ABL2: variants seen among roughly 807,000 people sequenced by gnomAD.
ABL2 encodes the protein tyrosine-protein kinase ABL2.
A neutral mutation model predicts 107.7 loss-of-function variants in ABL2; 49 were observed. That is an observed-to-expected ratio of 0.45 (90% confidence interval 0.36 to 0.58). The LOEUF is 0.58. Among genes scored for constraint, ABL2 ranks in the 20% least tolerant of loss-of-function variants. The pLI, the probability that ABL2 is intolerant of heterozygous loss-of-function variation, is 0.00. For synonymous variants in ABL2, 549 were observed against 548.6 expected (o/e 1.00, Z -0.01); for missense variants, 1,245 against 1,457.0 (o/e 0.85, Z 2.37).
chr1:179,173,007 T>C (rs922350867), intron 1 of ABL2, among the ~76,000 whole-genome samples: 5 of 152,126 alleles, frequency 3.3e-5, no homozygotes, highest in African/African-American at 1.2e-4. Context: ...CTGGCCAATA[T>C]GTCAAAACAC....
intron 1 of ABL2, among the ~76,000 whole-genome samples, chr1:179,211,277 G>C (rs1221889094): frequency 4.6e-5 from 7 of 152,116 alleles, no homozygotes; most frequent in Non-Finnish European, 4.4e-5. Context: ...CAGCACTTTG[G>C]GAGGCTGAGG....
chr1:179,165,752 C>A (rs1266107710), intron 1 of ABL2, among the ~76,000 whole-genome samples: 4 of 151,804 alleles, frequency 2.6e-5, no homozygotes, highest in Non-Finnish European at 5.9e-5. Flanking sequence ...ATAGCTAAAT[C>A]ATGATGTTCT....
intron 1 of ABL2, among the ~76,000 whole-genome samples, chr1:179,198,303 G>A (rs1006092240): frequency 1.3e-5 from 2 of 152,174 alleles, no homozygotes; most frequent in Non-Finnish European, 2.9e-5. Flanking sequence ...TTGACAATTA[G>A]GGAATCTAGG....
At chr1:179,124,154 C>T (rs540969295) in intron 4 of ABL2, among the ~76,000 whole-genome samples, 150 of 151,372 alleles carry the variant, frequency 9.9e-4, no homozygotes, top group Non-Finnish European at 1.8e-3. Context: ...GGCAGGAGAA[C>T]GGCGTGAACC....
chr1:179,110,177 T>C, intron 11 of ABL2, 105 bp downstream of exon 11: 1 of 1,366,406 alleles, frequency 7.3e-7, no homozygotes, highest in Non-Finnish European at 1.0e-6. Flanking sequence ...CGCCATGCTT[T>C]CCCCAGGGAG....
intron 4 of ABL2, among the ~76,000 whole-genome samples, chr1:179,124,099 G>A (rs1655495983): frequency 6.6e-6 from 1 of 151,972 alleles, no homozygotes; most frequent in South Asian, 2.1e-4. Flanking sequence ...AAATTAGCCG[G>A]GCGTGGTGGT....
intron 1 of ABL2, among the ~76,000 whole-genome samples, chr1:179,135,991 C>T (rs1290249469): frequency 2.7e-5 from 4 of 146,224 alleles, no homozygotes; most frequent in Non-Finnish European, 6.0e-5. Context: ...CCAGCCGCCC[C>T]GTCCAGGAGG....
At chr1:179,143,804 A>G (rs1657798586) in intron 1 of ABL2, among the ~76,000 whole-genome samples, 1 of 152,140 alleles carries the variant, frequency 6.6e-6, no homozygotes, top group Non-Finnish European at 1.5e-5. Context: ...TCAAGTGATT[A>G]TCCTGCCTCA....
rs1553228695 is a variant in ABL2 at position 179,174,920 on chromosome 1, A to ATAAT, written c.158-41547_158-41546insATTA. 3.1e-3 allele frequency among the ~76,000 whole-genome samples: 385 copies of ATAAT among 122,776 alleles called. 1 individual carries two copies. The highest frequency in any genetic ancestry group is 9.7e-3 in the Middle Eastern group (2 of 206). The allele number at this position is 122,776 out of a possible 152,430, so 80.5% of individuals were successfully genotyped here. ...CAAAAAAAAAAAAATAAAATAAAAA[A>ATAAT]AATAATAATAATAATAATAATAATT... On this transcript the variant is annotated intron_variant, in intron 1 of 11. Coordinates refer to ENST00000502732, the MANE Select transcript of ABL2 (RefSeq NM_007314.4).
At chr1:179,169,878 A>AC (rs1035062266) in intron 1 of ABL2, among the ~76,000 whole-genome samples, 1 of 152,006 alleles carries the variant, frequency 6.6e-6, no homozygotes, top group Non-Finnish European at 1.5e-5. Context: ...AACATTAAAA[A>AC]ATTGGCTGGG....
intron 1 of ABL2, among the ~76,000 whole-genome samples, chr1:179,190,742 T>A (rs990703774): frequency 1.1e-4 from 16 of 152,116 alleles, no homozygotes; most frequent in Non-Finnish European, 2.2e-4. Flanking sequence ...CTCATTAGCA[T>A]ACAAAAGATG....
intron 1 of ABL2, among the ~76,000 whole-genome samples, chr1:179,214,519 C>CATATATATATATATATAT (rs59744061): frequency 1.6e-3 from 194 of 122,084 alleles, no homozygotes; most frequent in Middle Eastern, 4.5e-3. Context: ...TTTAAAATGA[C>CATATATATATATATATAT]ATATATATAT....
chr1:179,225,409 C>T (rs974143881), intron 1 of ABL2, among the ~76,000 whole-genome samples: 3 of 152,120 alleles, frequency 2.0e-5, no homozygotes, highest in African/African-American at 7.2e-5. Context: ...AAACTCAAGA[C>T]AGTAATTTGT....
At chr1:179,171,708 G>C (rs1207512767) in intron 1 of ABL2, among the ~76,000 whole-genome samples, 1 of 152,104 alleles carries the variant, frequency 6.6e-6, no homozygotes, top group Non-Finnish European at 1.5e-5. Context: ...TGTTTTTGTA[G>C]AGATGGGGTC....
chr1:179,225,565 G>GC (rs1262154358), intron 1 of ABL2, among the ~76,000 whole-genome samples: 5 of 152,014 alleles, frequency 3.3e-5, no homozygotes, highest in Admixed American at 2.0e-4. Context: ...GGGCAATTCT[G>GC]CCCCCCAAGA....
chr1:179,146,529 T>C (rs1657995797), intron 1 of ABL2, among the ~76,000 whole-genome samples: 1 of 152,110 alleles, frequency 6.6e-6, no homozygotes, highest in African/African-American at 2.4e-5. Flanking sequence ...TATCTTGAGG[T>C]TGAGTCCCAA....
At position 179,186,481 on chromosome 1, in the gene ABL2, C is replaced by T. The variant is rs113073479; in HGVS notation, c.157+42760G>A. ...GAAATCTCCGCCTCCTGAGTTCAAG[C>T]GATTCTCCTTCCTCAGCCTCCCAAA... On this transcript the variant is annotated intron_variant, in intron 1 of 11. Coordinates refer to ENST00000502732, the MANE Select transcript of ABL2 (RefSeq NM_007314.4). Among the ~76,000 whole-genome samples, 454 of 152,040 alleles carry T rather than the reference C, an allele frequency of 3.0e-3. 1 individual carries two copies. Among genetic ancestry groups the T allele is most frequent in the African/African-American group, 0.011 (437 of 41,470 alleles).
intron 1 of ABL2, among the ~76,000 whole-genome samples, chr1:179,166,776 CAAAAA>C (rs34173352): frequency 1.3e-5 from 1 of 75,392 alleles, no homozygotes; most frequent in Non-Finnish European, 2.4e-5. Context: ...GACTTCATCT[CAAAAA>C]AAAAAAAAAA....
At position 179,126,315 on chromosome 1, in the gene ABL2, G is replaced by T; in HGVS notation, c.687+62C>A. 6.6e-7 allele frequency: 1 copy of T among 1,508,644 alleles called. No homozygotes were observed. Among genetic ancestry groups the T allele is most frequent in the Non-Finnish European group, 9.1e-7 (1 of 1,102,210 alleles). The allele number at this position is 1,508,644 out of a possible 1,614,324, so 93.5% of individuals were successfully genotyped here. A position where few individuals can be genotyped will look rare whatever the true frequency, so the allele number is the denominator to read the frequency against. On this transcript the variant is annotated intron_variant, in intron 4 of 11. Transcript: ENST00000502732. The surrounding 1 kb of genome is among the most constrained non-coding windows in gnomAD (Gnocchi z 4.4). Reference sequence around the variant, plus strand: ...AAATCTATTATTTCACTTCAATCACGTTGAATATTATTTCACAGAGTAGCC... The same window carrying T: ...AAATCTATTATTTCACTTCAATCACTTTGAATATTATTTCACAGAGTAGCC...
Sources: gnomAD v4.1 joint callset for allele counts (sites outside exome capture counted in the v4.1 genomes callset) on GRCh38, gnomAD v4.1.1 for gene constraint, Gnocchi (gnomAD v3.1) non-coding constraint, MANE v1.5 for transcripts, NCBI Gene and HGNC (gene_info 2026-07-23, HGNC 2026-07-21) for gene names.